EIF4G3: variants seen among roughly 807,000 people sequenced by gnomAD.
EIF4G3 encodes eIF-4-gamma 3.
In EIF4G3, 34 loss-of-function variants were observed where a neutral mutation model predicts 186.4. The observed-to-expected ratio is 0.18, with a 90% CI of 0.14 to 0.24. EIF4G3 has a LOEUF of 0.24. Among genes scored for constraint, EIF4G3 ranks in the 10% least tolerant of loss-of-function variants. EIF4G3 has a pLI of 1.00. For missense variants in EIF4G3, 1,536 were observed against 1,948.5 expected (o/e 0.79, Z 3.99); for synonymous variants, 673 against 679.5 (o/e 0.99, Z 0.15).
rs143384909 is a variant in EIF4G3 at position 21,019,546 on chromosome 1, A to T, written c.-66-16738T>A. Among the ~76,000 whole-genome samples the T allele has an allele frequency of 6.7e-4, 102 of 152,326 alleles. 1 individual carries two copies. In the East Asian group the frequency reaches 0.019, roughly 28 times the overall value. On this transcript the variant is annotated intron_variant, in intron 4 of 36. Transcript: ENST00000602326. ...CAGTGAATGAAAAATAAAAATTTTT[A>T]TCTTTTATTATCGAGGGAGAGTAAG...
chr1:21,160,847 G>A (rs1015056392), intron 2 of EIF4G3, among the ~76,000 whole-genome samples: 2 of 152,100 alleles, frequency 1.3e-5, no homozygotes, highest in Non-Finnish European at 2.9e-5. Flanking sequence ...ACAGTACGAG[G>A]GCAGAGTAGG....
At chr1:20,952,073 TAC>T (rs1178944223) in intron 12 of EIF4G3, among the ~76,000 whole-genome samples, 1 of 152,104 alleles carries the variant, frequency 6.6e-6, no homozygotes, top group Non-Finnish European at 1.5e-5. Flanking sequence ...CTAAAGATCC[TAC>T]AGTCTCCTTC....
chr1:20,991,320 C>A (rs963759908), intron 7 of EIF4G3, among the ~76,000 whole-genome samples: 18 of 152,132 alleles, frequency 1.2e-4, no homozygotes, highest in African/African-American at 4.1e-4. Context: ...TTAAACCCAG[C>A]ACTTTGGGAG....
chr1:20,984,842 C>T (rs943495530), intron 7 of EIF4G3, among the ~76,000 whole-genome samples: 4 of 152,026 alleles, frequency 2.6e-5, no homozygotes, highest in South Asian at 2.1e-4. Flanking sequence ...CCCGCCTCGG[C>T]CTCCCAAAGT....
At chr1:20,986,680 C>A (rs1026092371) in intron 7 of EIF4G3, among the ~76,000 whole-genome samples, 5 of 129,028 alleles carry the variant, frequency 3.9e-5, no homozygotes, top group African/African-American at 1.5e-4. Context: ...ACCCGGGAGG[C>A]AGAGCTTGCA....
intron 16 of EIF4G3, among the ~76,000 whole-genome samples, chr1:20,896,923 C>T (rs1449825660): frequency 1.3e-5 from 2 of 152,230 alleles, no homozygotes; most frequent in African/African-American, 4.8e-5. Flanking sequence ...CTACACTATA[C>T]AGCCTAGGTG....
intron 14 of EIF4G3, among the ~76,000 whole-genome samples, chr1:20,924,925 T>C (rs955363535): frequency 3.9e-5 from 6 of 152,246 alleles, no homozygotes; most frequent in Admixed American, 1.3e-4. Flanking sequence ...TTAAACTTGC[T>C]TCTGGCTTTA....
Position 21,093,903 on chromosome 1 carries a change from G to C in EIF4G3, c.-271-4690C>G, listed in dbSNP as rs538619084. On this transcript the variant is annotated intron_variant, in intron 2 of 36. Transcript: ENST00000602326. ...CTCACTCATAGGTGGGAATTGAACAGTGAGAACACTTGGACACAGGAAGGG... is the reference window on the plus strand; with the variant it reads ...CTCACTCATAGGTGGGAATTGAACACTGAGAACACTTGGACACAGGAAGGG... Among the ~76,000 whole-genome samples, 4 of 152,088 alleles carry C rather than the reference G, an allele frequency of 2.6e-5. No homozygotes were observed. The South Asian group carries it at 8.3e-4, about 32-fold the overall frequency.
At chr1:21,090,957 T>C (rs2096176544) in intron 2 of EIF4G3, among the ~76,000 whole-genome samples, 1 of 152,202 alleles carries the variant, frequency 6.6e-6, no homozygotes. Flanking sequence ...TCAATGTCAA[T>C]TTATGCTTTC....
In EIF4G3 at chr1:21,075,570, C is replaced by CAAAAAA. The variant is rs55649192; in HGVS notation, c.-196+13562_-196+13567dup. Among the ~76,000 whole-genome samples the CAAAAAA allele has an allele frequency of 1.4e-3, 71 of 51,540 alleles. 1 individual carries two copies. The highest frequency in any genetic ancestry group is 1.6e-3 in the African/African-American group (16 of 10,112). The allele number at this position is 51,540 out of a possible 152,430, so 33.8% of individuals were successfully genotyped here. On this transcript the variant is annotated intron_variant, in intron 3 of 36. Coordinates refer to ENST00000602326, the MANE Select transcript of EIF4G3 (RefSeq NM_001391906.1). ...GGCAACAGAGTGAGACTCCAACTCA[C>CAAAAAA]AAAAAAAAAAAAAAAAAAAAAAAAA...
At chr1:20,854,902 G>A (rs756065655) in intron 26 of EIF4G3, 76 bp downstream of exon 26, 14 of 1,214,254 alleles carry the variant, frequency 1.2e-5, no homozygotes, top group African/African-American at 6.1e-5. Flanking sequence ...ACCATCATTC[G>A]ATGACTATGG....
intron 4 of EIF4G3, among the ~76,000 whole-genome samples, chr1:21,038,207 T>C (rs2093349741): frequency 6.6e-6 from 1 of 152,220 alleles, no homozygotes; most frequent in Non-Finnish European, 1.5e-5. Context: ...CAAAAGCAAC[T>C]ATACTATTCA....
chr1:21,136,430 T>C (rs916073425), intron 2 of EIF4G3, among the ~76,000 whole-genome samples: 36 of 151,674 alleles, frequency 2.4e-4, no homozygotes, highest in Non-Finnish European at 5.0e-4. Flanking sequence ...GGCAGGAGAA[T>C]TGCTTTAACC....
In EIF4G3 at chr1:20,965,403, A is replaced by G. The variant is rs140210185; in HGVS notation, c.714+4071T>C. ...ATCCCCATTTACATGTGCAGTACTG[A>G]TTACGCCTGCTGTGCTGGCATTAAC... On this transcript the variant is annotated intron_variant, in intron 12 of 36. Coordinates refer to ENST00000602326, the MANE Select transcript of EIF4G3 (RefSeq NM_001391906.1). Among the ~76,000 whole-genome samples the G allele has an allele frequency of 5.1e-3, 783 of 152,266 alleles. 7 individuals are homozygous for G. The highest frequency in any genetic ancestry group is 0.018 in the African/African-American group (752 of 41,540).
rs765804000 is a variant in EIF4G3, at chr1:20,941,826, A to G, written c.1328T>C (p.Leu443Ser). The change falls in exon 14 of 37, where the codon TTG becomes TCG. Residue 443 changes from leucine (L) to serine (S), a missense_variant. By Grantham distance (145) the Leu-to-Ser change is moderately radical. This residue lies in a region of EIF4G3 where 560 missense variants were observed against 547.8 expected (regional missense o/e 1.02). Transcript: ENST00000602326. ...KQEVLPLTLELEILENPPEEM... is the reference protein window; with the variant it reads ...KQEVLPLTLESEILENPPEEM... ...TTCTGGGGGATTTTCGAGAATCTCC[A>G]ATTCAAGAGTCAATGGCAATACTTC... 5.0e-6 allele frequency: 8 copies of G among 1,613,948 alleles called. No individual in the cohort carries two copies. In the East Asian group the frequency reaches 1.6e-4, roughly 31 times the overall value.
intron 20 of EIF4G3, among the ~76,000 whole-genome samples, chr1:20,873,251 C>T (rs746290201): frequency 5.3e-5 from 8 of 152,124 alleles, no homozygotes; most frequent in African/African-American, 9.7e-5. Flanking sequence ...AAACATGCTA[C>T]GATTTATCCA....
chr1:21,159,512 TG>T (rs2097722402), intron 2 of EIF4G3, among the ~76,000 whole-genome samples: 1 of 149,360 alleles, frequency 6.7e-6, no homozygotes, highest in African/African-American at 2.5e-5. Context: ...CGAAGCGGGC[TG>T]ATCACCTGAG....
intron 2 of EIF4G3, among the ~76,000 whole-genome samples, chr1:21,120,205 T>C (rs1052990754): frequency 2.6e-5 from 4 of 151,130 alleles, no homozygotes; most frequent in African/African-American, 4.9e-5. Context: ...TCTATAAATT[T>C]ACAACAATTT....
intron 19 of EIF4G3, among the ~76,000 whole-genome samples, chr1:20,884,690 A>T (rs1474162775): frequency 6.6e-6 from 1 of 152,222 alleles, no homozygotes; most frequent in African/African-American, 2.4e-5. Flanking sequence ...ATGTTTGGGG[A>T]TAATCACTAA....
Sources: gnomAD v4.1 joint callset for allele counts (sites outside exome capture counted in the v4.1 genomes callset) on GRCh38, gnomAD v4.1.1 for gene constraint, gnomAD v4.1.1 regional missense constraint, MANE v1.5 for transcripts, NCBI Gene and HGNC (gene_info 2026-07-23, HGNC 2026-07-21) for gene names.